The following SMCHD1 variants were observed in gnomAD, a reference collection of about 807,000 sequenced individuals.
SMCHD1 encodes the protein structural maintenance of chromosomes flexible hinge domain-containing protein 1.
In SMCHD1, 78 loss-of-function variants were observed where a neutral mutation model predicts 254.7. The observed-to-expected ratio is 0.31, with a 90% confidence interval of 0.26 to 0.37. The LOEUF (loss-of-function observed/expected upper bound fraction) is 0.37, where lower values mean the gene tolerates loss of function less well. SMCHD1 is among the 10% of genes least tolerant of loss of function. The probability of loss-of-function intolerance (pLI) is 1.00; values close to 1 mark genes in which losing one functional copy is unlikely to be tolerated. For synonymous variants in SMCHD1, 766 were observed against 794.9 expected (o/e 0.96, Z 0.61); for missense variants, 1,840 against 2,408.1 (o/e 0.76, Z 4.94).
intron 37 of SMCHD1, among the ~76,000 whole-genome samples, chr18:2,767,502 G>A (rs1477792463): frequency 1.3e-5 from 2 of 149,450 alleles, no homozygotes; most frequent in East Asian, 3.9e-4. Context: ...TGATTTCATT[G>A]TTGTGCAAAT....
chr18:2,801,980 T>C (rs1381158391), intron 47 of SMCHD1, among the ~76,000 whole-genome samples: 2 of 146,654 alleles, frequency 1.4e-5, no homozygotes, highest in African/African-American at 5.0e-5. Context: ...GATTAAAAAT[T>C]AGTTCTGTTA....
In SMCHD1 at chr18:2,708,882, AT is replaced by A. The variant is rs1568198182; in HGVS notation, c.2260+963del. 1.0e-3 allele frequency among the ~76,000 whole-genome samples: 66 copies of A among 64,442 alleles called. 6 individuals carry two copies. The highest frequency in any genetic ancestry group is 3.3e-3 in the African/African-American group (38 of 11,464). The allele number at this position is 64,442 out of a possible 152,430, so 42.3% of individuals were successfully genotyped here. On this transcript the variant is annotated intron_variant, in intron 17 of 47. Transcript: ENST00000320876. ...TCAATAACTTCATATATATATATAT[AT>A]ATATATATATATATATATATATATA... is the stretch of plus-strand genomic sequence containing the variant.
intron 41 of SMCHD1, 123 bp downstream of exon 41, chr18:2,772,495 T>A: frequency 1.3e-6 from 1 of 761,218 alleles, no homozygotes; most frequent in Non-Finnish European, 1.9e-6. Context: ...TCCAATAAAG[T>A]ACCTGCTCTC....
At chr18:2,786,181 C>T (rs1487223775) in intron 45 of SMCHD1, among the ~76,000 whole-genome samples, 2 of 151,938 alleles carry the variant, frequency 1.3e-5, no homozygotes, top group Admixed American at 1.3e-4. Context: ...ACCTGGCAAA[C>T]TTTTGTATCT....
intron 19 of SMCHD1, among the ~76,000 whole-genome samples, chr18:2,722,043 G>T (rs1181368131): frequency 6.6e-6 from 1 of 152,204 alleles, no homozygotes; most frequent in Non-Finnish European, 1.5e-5. Flanking sequence ...CATGTAGTCT[G>T]AATTTTCCTT....
chr18:2,662,569 C>T (rs965595884), intron 1 of SMCHD1, among the ~76,000 whole-genome samples: 1 of 149,558 alleles, frequency 6.7e-6, no homozygotes, highest in Non-Finnish European at 1.5e-5. Context: ...GGTGTGAACC[C>T]GGGCGGCGGA....
Position 2,678,847 on chromosome 18 carries a change from GTTTT to G in SMCHD1, c.638+4706_638+4709del, listed in dbSNP as rs553506758. Among the ~76,000 whole-genome samples, 609 of 70,562 alleles carry G rather than the reference GTTTT, an allele frequency of 8.6e-3. 5 individuals carry two copies. Among genetic ancestry groups the G allele is most frequent in the African/African-American group, 0.024 (588 of 24,644 alleles). 46.3% of individuals were successfully genotyped at this position (70,562 alleles called of 152,430 possible). A position where few individuals can be genotyped will look rare whatever the true frequency, so the allele number is the denominator to read the frequency against. The stretch of plus-strand genomic sequence containing the variant: ...GTTTTTTTTTTTTTTTTGTTTGTTT[GTTTT>G]TTTGTTTTTTTTTTTGAGAGGGAGT... On this transcript the variant is annotated intron_variant, in intron 5 of 47. Coordinates refer to ENST00000320876, the MANE Select transcript of SMCHD1 (RefSeq NM_015295.3).
intron 1 of SMCHD1, among the ~76,000 whole-genome samples, chr18:2,657,976 C>T (rs2073123384): frequency 6.6e-6 from 1 of 151,470 alleles, no homozygotes; most frequent in African/African-American, 2.4e-5. Flanking sequence ...ATTTTTCGTA[C>T]ATACGGGGGT....
chr18:2,760,861 G>T (rs985886474), intron 35 of SMCHD1, 122 bp downstream of exon 35: 3 of 528,262 alleles, frequency 5.7e-6, no homozygotes, highest in Admixed American at 7.4e-5. Flanking sequence ...GAAATATTTT[G>T]TTTAAAAGTG....
rs756826394 is a variant in SMCHD1, at chr18:2,760,745, C to T, written c.4434+6C>T. 6.3e-7 allele frequency: 1 copy of T among 1,576,090 alleles called. No individual in the cohort carries two copies. Among genetic ancestry groups the T allele is most frequent in the South Asian group, 1.1e-5 (1 of 88,296 alleles). On this transcript the variant is annotated splice_donor_region_variant and intron_variant, in intron 35 of 47. Transcript: ENST00000320876. ...ATATTCTCAACAGTGAACAGGTTTGCTTACTTTTTTTATATACCACAGTTA... is the reference window on the plus strand; with the variant it reads ...ATATTCTCAACAGTGAACAGGTTTGTTTACTTTTTTTATATACCACAGTTA...
chr18:2,793,208 C>G (rs146315044), intron 45 of SMCHD1, among the ~76,000 whole-genome samples: 261 of 152,276 alleles, frequency 1.7e-3, no homozygotes, highest in African/African-American at 5.7e-3. Flanking sequence ...TTGGGAAGTC[C>G]TTACACACTT....
intron 44 of SMCHD1, among the ~76,000 whole-genome samples, chr18:2,783,270 G>T (rs2076186968): frequency 6.6e-6 from 1 of 152,034 alleles, no homozygotes; most frequent in South Asian, 2.1e-4. Flanking sequence ...TCTTAGAATT[G>T]CTGAATCGTG....
intron 7 of SMCHD1, 66 bp from the exon 8 acceptor site, chr18:2,694,461 C>A: frequency 7.9e-7 from 1 of 1,264,828 alleles, no homozygotes. Context: ...AAATTTGATG[C>A]AATAGCTATT....
At chr18:2,699,769 C>G (rs571677134) in intron 10 of SMCHD1, among the ~76,000 whole-genome samples, 1 of 152,318 alleles carries the variant, frequency 6.6e-6, no homozygotes, top group Non-Finnish European at 1.5e-5. Flanking sequence ...GGATTCTCCT[C>G]TAAGAGCAAA....
At chr18:2,731,295 G>A (rs953755260) in intron 24 of SMCHD1, among the ~76,000 whole-genome samples, 7 of 152,192 alleles carry the variant, frequency 4.6e-5, no homozygotes, top group African/African-American at 1.7e-4. Context: ...TAAATTTAGT[G>A]TGTGCTGTTG....
At position 2,804,536 on chromosome 18, in the gene SMCHD1, G is replaced by A. The variant is rs1374615586; in HGVS notation, c.*1984G>A. ...TAATACCAGAAAGAATGTTCTATCAGTAAAAGAAGGTTTTTAAGTATGAAT... is the reference window on the plus strand; with the variant it reads ...TAATACCAGAAAGAATGTTCTATCAATAAAAGAAGGTTTTTAAGTATGAAT... On this transcript the variant is annotated 3_prime_UTR_variant, in exon 48 of 48. Coordinates refer to ENST00000320876, the MANE Select transcript of SMCHD1 (RefSeq NM_015295.3). 1.6e-4 allele frequency: 1 copy of A among 6,130 alleles called. No homozygotes were observed. The highest frequency in any genetic ancestry group is 7.2e-4 in the Non-Finnish European group (1 of 1,390). 0.4% of individuals were successfully genotyped at this position (6,130 alleles called of 1,614,324 possible). A position where few individuals can be genotyped will look rare whatever the true frequency, so the allele number is the denominator to read the frequency against.
chr18:2,674,543 C>G (rs954861617), intron 5 of SMCHD1, among the ~76,000 whole-genome samples: 2 of 152,102 alleles, frequency 1.3e-5, no homozygotes, highest in Non-Finnish European at 2.9e-5. Flanking sequence ...ACTTTCAGAG[C>G]TCTTTTTGCA....
chr18:2,692,478 T>C (rs1363808079), intron 7 of SMCHD1, among the ~76,000 whole-genome samples: 1 of 152,234 alleles, frequency 6.6e-6, no homozygotes, highest in East Asian at 1.9e-4. Context: ...TGGCATCCAC[T>C]AGCCATGCAG....
intron 45 of SMCHD1, among the ~76,000 whole-genome samples, chr18:2,792,607 ACAT>A (rs2076186186): frequency 6.6e-6 from 1 of 152,204 alleles, no homozygotes. Context: ...TGTAATCATG[ACAT>A]CATCAAAAGT....
Sources: gnomAD v4.1 joint callset for allele counts (sites outside exome capture counted in the v4.1 genomes callset) on GRCh38, gnomAD v4.1.1 for gene constraint, MANE v1.5 for transcripts, NCBI Gene and HGNC (gene_info 2026-07-23, HGNC 2026-07-21) for gene names.